PTBP2: variants seen among roughly 807,000 people sequenced by gnomAD.
PTBP2 encodes polypyrimidine tract-binding protein 2.
In PTBP2, 13 loss-of-function variants were observed where a neutral mutation model predicts 61.4. The observed-to-expected ratio is 0.21, with a 90% CI of 0.14 to 0.34. The LOEUF (loss-of-function observed/expected upper bound fraction) is 0.34, where lower values mean the gene tolerates loss of function less well. Among genes scored for constraint, PTBP2 ranks in the 10% least tolerant of loss-of-function variants. PTBP2 has a pLI of 1.00. For synonymous variants in PTBP2, 215 were observed against 218.5 expected (o/e 0.98, Z 0.14); for missense variants, 405 against 642.6 (o/e 0.63, Z 4.00).
intron 3 of PTBP2, among the ~76,000 whole-genome samples, chr1:96,761,724 G>GT (rs551456617): frequency 0.038 from 5,616 of 149,108 alleles, 145 homozygotes; most frequent in African/African-American, 0.079. Flanking sequence ...CTACTGTTCT[G>GT]TTTTTTTTTG....
Position 96,813,519 on chromosome 1 carries a change from G to A in PTBP2, c.*114G>A, listed in dbSNP as rs1011524545. The A allele has an allele frequency of 4.5e-6, 5 of 1,112,142 alleles. No homozygotes were observed. The African/African-American group carries it at 8.6e-5, about 19-fold the overall frequency. The allele number at this position is 1,112,142 out of a possible 1,614,324, so 68.9% of individuals were successfully genotyped here. A position where few individuals can be genotyped will look rare whatever the true frequency, so the allele number is the denominator to read the frequency against. On this transcript the variant is annotated 3_prime_UTR_variant, in exon 14 of 14. Coordinates refer to ENST00000674951, the MANE Select transcript of PTBP2 (RefSeq NM_021190.4). ...TTTTTTTTGTTTTTGTTTTTTTGGG[G>A]TTTCTTTTTTTTTTCCATGCTGTTA... is the stretch of plus-strand genomic sequence containing the variant.
chr1:96,730,158 A>G (rs997323087), intron 2 of PTBP2, among the ~76,000 whole-genome samples: 3 of 151,856 alleles, frequency 2.0e-5, no homozygotes, highest in African/African-American at 7.3e-5. Flanking sequence ...GATTTTATTA[A>G]TCTCCAAAAT....
intron 11 of PTBP2, among the ~76,000 whole-genome samples, chr1:96,810,181 C>A (rs552973947): frequency 3.9e-5 from 6 of 152,226 alleles, no homozygotes; most frequent in Non-Finnish European, 8.8e-5. Flanking sequence ...TAAAAAATTA[C>A]ATTAAATCAA....
chr1:96,763,563 CTG>C (rs1172868375), intron 3 of PTBP2, among the ~76,000 whole-genome samples: 2 of 118,080 alleles, frequency 1.7e-5, no homozygotes, highest in Admixed American at 1.1e-4. Flanking sequence ...CAGAGGGAGA[CTG>C]TGGAAAGAGA....
rs1316151029 is a variant in PTBP2 at position 96,785,154 on chromosome 1, A to G, written c.804A>G (p.Lys268=). 1 of 1,610,388 alleles carries G rather than the reference A, an allele frequency of 6.2e-7. No individual in the cohort carries two copies. Among genetic ancestry groups the G allele is most frequent in the African/African-American group, 1.3e-5 (1 of 74,722 alleles). The change falls in exon 8 of 14, where the codon AAA becomes AAG. Residue 268 remains lysine (K), a synonymous_variant. Coordinates refer to ENST00000674951, the MANE Select transcript of PTBP2 (RefSeq NM_021190.4). ...TGAATGTAAAATACAACAATGATAA[A>G]AGTAGGGATTATACTCGACCTGATC... ...VNLNVKYNND[K]SRDYTRPDLP...
chr1:96,751,444 T>A lies in PTBP2; in HGVS notation c.59T>A (p.Leu20His). Residue 20 changes from leucine (L) to histidine (H), a missense_variant, in exon 3 of 14, where the codon CTC becomes CAC. Coordinates refer to ENST00000674951, the MANE Select transcript of PTBP2 (RefSeq NM_021190.4). Reference protein sequence around the residue: ...VGVKRGSDELLSGSVLSSPNS... With the variant: ...VGVKRGSDELHSGSVLSSPNS... ...TCATAGAGAGGATCTGACGAACTAC[T>A]CTCAGGCAGTGTTCTCAGTAGTCCG... 6.2e-7 allele frequency: 1 copy of A among 1,612,856 alleles called. No individual in the cohort carries two copies. Among genetic ancestry groups the A allele is most frequent in the Non-Finnish European group, 8.5e-7 (1 of 1,179,086 alleles).
At chr1:96,745,423 A>G (rs1021432278) in intron 2 of PTBP2, among the ~76,000 whole-genome samples, 3 of 152,052 alleles carry the variant, frequency 2.0e-5, no homozygotes, top group African/African-American at 7.2e-5. Context: ...CGGCCTCCCA[A>G]AGTGCTGGGA....
At chr1:96,773,710 C>G (rs890682498) in intron 5 of PTBP2, among the ~76,000 whole-genome samples, 4 of 151,962 alleles carry the variant, frequency 2.6e-5, no homozygotes, top group African/African-American at 9.7e-5. Context: ...TGCGTGGTGG[C>G]TCACACTTGT....
intron 7 of PTBP2, among the ~76,000 whole-genome samples, chr1:96,780,998 A>G (rs140362101): frequency 9.2e-5 from 14 of 151,926 alleles, no homozygotes; most frequent in Non-Finnish European, 2.1e-4. Flanking sequence ...AACTCTTGCT[A>G]CCATTGCAGT....
At position 96,741,120 on chromosome 1, in the gene PTBP2, A is replaced by G. The variant is rs1257506597; in HGVS notation, c.40-10305A>G. Among the ~76,000 whole-genome samples the G allele has an allele frequency of 2.6e-5, 4 of 151,380 alleles. No homozygotes were observed. In the East Asian group the frequency reaches 7.7e-4, roughly 29 times the overall value. On this transcript the variant is annotated intron_variant, in intron 2 of 13. Coordinates refer to ENST00000674951, the MANE Select transcript of PTBP2 (RefSeq NM_021190.4). ...TTTTAATTTTGCTGATCAAATGTACATGGGAAGGATATCTTGTGGTTTTAA... is the reference window on the plus strand; with the variant it reads ...TTTTAATTTTGCTGATCAAATGTACGTGGGAAGGATATCTTGTGGTTTTAA...
chr1:96,751,022 G>A (rs1305832869), intron 2 of PTBP2, among the ~76,000 whole-genome samples: 3 of 152,042 alleles, frequency 2.0e-5, no homozygotes, highest in Non-Finnish European at 4.4e-5. Context: ...TCACCAGAAT[G>A]AAGTTCTAAT....
intron 3 of PTBP2, among the ~76,000 whole-genome samples, chr1:96,757,974 T>C (rs1455378843): frequency 6.6e-6 from 1 of 151,996 alleles, no homozygotes; most frequent in Admixed American, 6.5e-5. Flanking sequence ...AATTTAAGAC[T>C]GACCAAGGAA....
intron 3 of PTBP2, among the ~76,000 whole-genome samples, chr1:96,757,736 G>A (rs1655324985): frequency 6.6e-6 from 1 of 152,062 alleles, no homozygotes; most frequent in Admixed American, 6.5e-5. Context: ...GTATCTGACT[G>A]ACTATAGTGG....
intron 3 of PTBP2, among the ~76,000 whole-genome samples, chr1:96,766,206 C>T (rs537516529): frequency 1.3e-5 from 2 of 152,176 alleles, no homozygotes; most frequent in South Asian, 2.1e-4. Context: ...GCTTTGAATC[C>T]GTGATTACAT....
intron 11 of PTBP2, among the ~76,000 whole-genome samples, chr1:96,810,955 T>A (rs1358944015): frequency 1.3e-5 from 2 of 152,124 alleles, no homozygotes; most frequent in East Asian, 1.9e-4. Flanking sequence ...TTCAGACTTG[T>A]GAGAAGATTG....
intron 1 of PTBP2, 88 bp downstream of exon 1, chr1:96,721,960 C>A: frequency 6.6e-7 from 1 of 1,525,350 alleles, no homozygotes; most frequent in Non-Finnish European, 8.9e-7. Context: ...GAAACCCTCC[C>A]GCGGCCCCTC....
rs1414678656 is a variant in PTBP2 at position 96,729,301 on chromosome 1, C to G, written c.39+5707C>G. Among the ~76,000 whole-genome samples, 5 of 152,262 alleles carry G rather than the reference C, an allele frequency of 3.3e-5. No homozygotes were observed. In the South Asian group the frequency reaches 8.3e-4, roughly 25 times the overall value. On this transcript the variant is annotated intron_variant, in intron 2 of 13. Transcript: ENST00000674951. Reference sequence around the variant, plus strand: ...CCTCCCAAAGTGTTAAGATTACAGGCGTGAGCCACCACCCCCAGCCTATGC... The same window carrying G: ...CCTCCCAAAGTGTTAAGATTACAGGGGTGAGCCACCACCCCCAGCCTATGC...
intron 11 of PTBP2, 94 bp from the exon 12 acceptor site, chr1:96,812,618 A>G: frequency 9.8e-7 from 1 of 1,019,938 alleles, no homozygotes; most frequent in Non-Finnish European, 1.4e-6. Flanking sequence ...TAAAATCATA[A>G]GAAAATTCAA....
rs764101835 is a variant in PTBP2 at position 96,777,965 on chromosome 1, ATGG to A, written c.708+22_708+24del. ...AAAACTAGTAAGTCTTTCTTTTGAGATGGTGATTTTTTTTTATTGAAATGTATA... is the reference window on the plus strand; with the variant it reads ...AAAACTAGTAAGTCTTTCTTTTGAGATGATTTTTTTTTATTGAAATGTATA... On this transcript the variant is annotated intron_variant, in intron 7 of 13. Coordinates refer to ENST00000674951, the MANE Select transcript of PTBP2 (RefSeq NM_021190.4). 37 of 1,409,842 alleles carry A rather than the reference ATGG, an allele frequency of 2.6e-5. No individual in the cohort carries two copies. Among genetic ancestry groups the A allele is most frequent in the Non-Finnish European group, 3.4e-5 (35 of 1,029,470 alleles). The allele number at this position is 1,409,842 out of a possible 1,614,324, so 87.3% of individuals were successfully genotyped here. A position where few individuals can be genotyped will look rare whatever the true frequency, so the allele number is the denominator to read the frequency against.
Sources: gnomAD v4.1 joint callset for allele counts (sites outside exome capture counted in the v4.1 genomes callset) on GRCh38, gnomAD v4.1.1 for gene constraint, MANE v1.5 for transcripts, NCBI Gene and HGNC (gene_info 2026-07-23, HGNC 2026-07-21) for gene names.